The following TRDN variants were observed in gnomAD, a reference collection of about 807,000 sequenced individuals.
TRDN encodes the protein triadin, also known as triadin in skeletal muscle.
A neutral mutation model predicts 149.7 loss-of-function variants in TRDN; 161 were observed. The observed-to-expected ratio is 1.08, with a 90% CI of 0.95 to 1.23. The LOEUF is 1.23. Ranked by LOEUF, TRDN falls within the 50% of genes most tolerant of loss-of-function variation. The pLI, the probability that TRDN is intolerant of heterozygous loss-of-function variation, is 0.00. For synonymous variants in TRDN, 294 were observed against 250.5 expected (o/e 1.17, Z -1.64); for missense variants, 896 against 823.5 (o/e 1.09, Z -1.08).
In TRDN at chr6:123,218,438, C is replaced by T. The variant is rs1172919948; in HGVS notation, c.*163G>A. ...TAGACCCTTAAACATGTCTGCTCAT[C>T]ACTCAATCCATTTGGCCACCCTTTC... On this transcript the variant is annotated 3_prime_UTR_variant, in exon 41 of 41. Coordinates refer to ENST00000334268, the MANE Select transcript of TRDN (RefSeq NM_006073.4). 2 of 696,264 alleles carry T rather than the reference C, an allele frequency of 2.9e-6. No homozygotes were observed. The highest frequency in any genetic ancestry group is 1.8e-5 in the African/African-American group (1 of 55,124). 43.1% of individuals were successfully genotyped at this position (696,264 alleles called of 1,614,324 possible).
At chr6:123,488,011 C>T (rs1010920075) in intron 9 of TRDN, among the ~76,000 whole-genome samples, 3 of 152,152 alleles carry the variant, frequency 2.0e-5, no homozygotes, top group Non-Finnish European at 4.4e-5. Context: ...ACTCATTTCA[C>T]TTGCTCCAGT....
intron 12 of TRDN, among the ~76,000 whole-genome samples, chr6:123,409,125 AAAT>A (rs1209370483): frequency 1.3e-5 from 2 of 152,214 alleles, no homozygotes; most frequent in Non-Finnish European, 2.9e-5. Context: ...CTGGAAATGG[AAAT>A]AATAAGTATT....
chr6:123,343,731 T>TA, intron 21 of TRDN, among the ~76,000 whole-genome samples: 1 of 151,968 alleles, frequency 6.6e-6, no homozygotes, highest in South Asian at 2.1e-4. Flanking sequence ...CCCTGAAACT[T>TA]AAAGTATAAT....
intron 28 of TRDN, 32 bp downstream of exon 28, chr6:123,273,305 G>A (rs570779649): frequency 1.8e-6 from 2 of 1,082,860 alleles, no homozygotes; most frequent in Admixed American, 3.8e-5. Context: ...TCGTAAGAAA[G>A]TCTAAGCATA....
At chr6:123,256,436 T>G (rs1331453443) in intron 35 of TRDN, among the ~76,000 whole-genome samples, 1 of 152,132 alleles carries the variant, frequency 6.6e-6, no homozygotes, top group African/African-American at 2.4e-5. Flanking sequence ...ACAGTTGAAC[T>G]AATTCCCACC....
In TRDN at chr6:123,396,383, C is replaced by G. The variant is rs79910276; in HGVS notation, c.1052-2706G>C. The stretch of plus-strand genomic sequence containing the variant: ...ACACATATTCTAATGAAAATTTCAT[C>G]ATATCAAATGATTTTATCTTGTCAT... On this transcript the variant is annotated intron_variant, in intron 12 of 40. Transcript: ENST00000334268. 3.1e-3 allele frequency among the ~76,000 whole-genome samples: 465 copies of G among 152,252 alleles called. 13 individuals are homozygous for G. In the East Asian group the frequency reaches 0.076, roughly 25 times the overall value.
chr6:123,406,347 C>T (rs1773188571), intron 12 of TRDN, among the ~76,000 whole-genome samples: 1 of 151,998 alleles, frequency 6.6e-6, no homozygotes, highest in Admixed American at 6.6e-5. Context: ...TTTAAAAAGT[C>T]TTTGCATTAA....
chr6:123,565,392 A>G (rs1388804262), intron 2 of TRDN, among the ~76,000 whole-genome samples: 1 of 152,142 alleles, frequency 6.6e-6, no homozygotes, highest in Admixed American at 6.5e-5. Flanking sequence ...CAGAGCGATC[A>G]TACACCTTGG....
At chr6:123,225,468 T>C (rs1427633516) in intron 38 of TRDN, among the ~76,000 whole-genome samples, 1 of 151,590 alleles carries the variant, frequency 6.6e-6, no homozygotes, top group African/African-American at 2.4e-5. Flanking sequence ...TATTGTATGC[T>C]TGAAACTTTC....
At chr6:123,370,409 T>C (rs1490058536) in intron 19 of TRDN, among the ~76,000 whole-genome samples, 1 of 152,188 alleles carries the variant, frequency 6.6e-6, no homozygotes, top group Non-Finnish European at 1.5e-5. Flanking sequence ...ACTATGTTGA[T>C]ATGAGTAGCT....
chr6:123,518,422 C>T (rs909682515), intron 5 of TRDN, among the ~76,000 whole-genome samples: 57 of 152,160 alleles, frequency 3.7e-4, no homozygotes, highest in African/African-American at 1.3e-3. Flanking sequence ...TGAGGGGGAA[C>T]CAAGTTTGTG....
intron 1 of TRDN, among the ~76,000 whole-genome samples, chr6:123,575,115 T>A (rs189119015): frequency 1.3e-5 from 2 of 151,922 alleles, no homozygotes; most frequent in African/African-American, 2.4e-5. Flanking sequence ...GTCCTTTTTT[T>A]AATCTTCACA....
intron 14 of TRDN, among the ~76,000 whole-genome samples, chr6:123,383,339 A>G (rs548814288): frequency 6.6e-6 from 1 of 152,250 alleles, no homozygotes; most frequent in African/African-American, 2.4e-5. Context: ...AGCTAGAAAC[A>G]TATTTTAGGA....
intron 1 of TRDN, among the ~76,000 whole-genome samples, chr6:123,616,817 C>T (rs963366577): frequency 2.6e-5 from 4 of 152,092 alleles, no homozygotes; most frequent in Non-Finnish European, 5.9e-5. Flanking sequence ...CTTGTCATAT[C>T]TTCTTGTATC....
intron 33 of TRDN, 143 bp from the exon 34 acceptor site, chr6:123,260,781 A>G (rs1562234819): frequency 3.1e-6 from 2 of 640,802 alleles, no homozygotes; most frequent in Non-Finnish European, 4.8e-6. Context: ...CATACTCAAA[A>G]TGGCAAAGAA....
At chr6:123,248,472 G>C (rs917833643) in intron 38 of TRDN, among the ~76,000 whole-genome samples, 1 of 152,020 alleles carries the variant, frequency 6.6e-6, no homozygotes, top group Non-Finnish European at 1.5e-5. Flanking sequence ...CAGAAGAATT[G>C]CTTGAACCCA....
At chr6:123,575,308 A>C (rs1369560880) in intron 1 of TRDN, among the ~76,000 whole-genome samples, 1 of 152,018 alleles carries the variant, frequency 6.6e-6, no homozygotes, top group Non-Finnish European at 1.5e-5. Flanking sequence ...TCCATTCAAA[A>C]TTACTGCAGA....
At chr6:123,305,366 T>C (rs977209710) in intron 24 of TRDN, among the ~76,000 whole-genome samples, 2 of 152,188 alleles carry the variant, frequency 1.3e-5, no homozygotes, top group African/African-American at 4.8e-5. Context: ...TATTAGATTG[T>C]AACTCTATAT....
chr6:123,571,045 G>A lies in TRDN; in HGVS notation c.110C>T (p.Thr37Ile), dbSNP rs1289581577. Residue 37 changes from threonine (T) to isoleucine (I), a missense_variant, in exon 2 of 41, where the codon ACA becomes ATA. By Grantham distance (89) the Thr-to-Ile change is moderately conservative (BLOSUM62 -1). Transcript: ENST00000334268. ...GCTGAACGTCGTCACTATGTCTTCT[G>A]TGACTGTCCTCTTCAGCACTTTTCC... Reference protein sequence around the residue: ...SPGKVLKRTVTEDIVTTFSSP... With the variant: ...SPGKVLKRTVIEDIVTTFSSP... 43 of 1,613,890 alleles carry A rather than the reference G, an allele frequency of 2.7e-5. No homozygotes were observed. The highest frequency in any genetic ancestry group is 3.6e-5 in the Non-Finnish European group (42 of 1,179,888).
Sources: gnomAD v4.1 joint callset for allele counts (sites outside exome capture counted in the v4.1 genomes callset) on GRCh38, gnomAD v4.1.1 for gene constraint, MANE v1.5 for transcripts, NCBI Gene and HGNC (gene_info 2026-07-23, HGNC 2026-07-21) for gene names.